Variants in NKAIN2 observed in about 807,000 individuals in gnomAD.
NKAIN2 encodes sodium/potassium transporting ATPase interacting 2.
Under a neutral mutation model 32.6 loss-of-function variants are expected in NKAIN2, and 14 were observed. The observed-to-expected ratio is 0.43, with a 90% CI of 0.28 to 0.67. The LOEUF (loss-of-function observed/expected upper bound fraction) is 0.67, where lower values mean the gene tolerates loss of function less well. Ranked by LOEUF, NKAIN2 falls within the 30% of genes least tolerant of loss-of-function variation. NKAIN2 has a pLI of 0.17. For missense variants in NKAIN2, 198 were observed against 258.3 expected (o/e 0.77, Z 1.60); for synonymous variants, 80 against 87.2 (o/e 0.92, Z 0.46).
chr6:124,816,075 T>C (rs1259596325), intron 5 of NKAIN2, among the ~76,000 whole-genome samples: 2 of 152,164 alleles, frequency 1.3e-5, no homozygotes, highest in East Asian at 3.9e-4. Context: ...GAAGAGACAT[T>C]CTGCCTTGGT....
At chr6:123,910,206 G>A (rs938225618) in intron 1 of NKAIN2, among the ~76,000 whole-genome samples, 7 of 152,048 alleles carry the variant, frequency 4.6e-5, no homozygotes, top group East Asian at 3.9e-4. Flanking sequence ...ATATGTCTCC[G>A]GCTTGTTGTA....
intron 1 of NKAIN2, among the ~76,000 whole-genome samples, chr6:124,074,287 A>G (rs1783592896): frequency 6.6e-6 from 1 of 152,248 alleles, no homozygotes; most frequent in East Asian, 1.9e-4. Flanking sequence ...TCAAACTCTC[A>G]GGAGGAGAGC....
chr6:123,894,040 G>C (rs183656051), intron 1 of NKAIN2, among the ~76,000 whole-genome samples: 2 of 152,342 alleles, frequency 1.3e-5, no homozygotes, highest in Admixed American at 1.3e-4. Context: ...GGTACTACAA[G>C]TATATGTCCT....
At chr6:124,345,303 T>C (rs1798353058) in intron 2 of NKAIN2, among the ~76,000 whole-genome samples, 1 of 152,168 alleles carries the variant, frequency 6.6e-6, no homozygotes, top group Non-Finnish European at 1.5e-5. Context: ...TCTTTTTTGG[T>C]TGTGTCTCTG....
intron 3 of NKAIN2, among the ~76,000 whole-genome samples, chr6:124,594,175 G>C (rs1310463087): frequency 6.6e-6 from 1 of 152,230 alleles, no homozygotes; most frequent in East Asian, 1.9e-4. Flanking sequence ...CAATACTTTA[G>C]CTTGCAGCTA....
At chr6:124,758,204 T>TCC (rs1032479479) in intron 4 of NKAIN2, among the ~76,000 whole-genome samples, 2 of 152,056 alleles carry the variant, frequency 1.3e-5, no homozygotes, top group African/African-American at 4.8e-5. Flanking sequence ...CACACTTGCC[T>TCC]CCCCCTTGAC....
At chr6:124,726,598 A>G (rs1776328852) in intron 4 of NKAIN2, among the ~76,000 whole-genome samples, 1 of 149,938 alleles carries the variant, frequency 6.7e-6, no homozygotes, top group African/African-American at 2.5e-5. Context: ...AAAACCACAA[A>G]GATGGGGAAA....
intron 1 of NKAIN2, among the ~76,000 whole-genome samples, chr6:123,993,143 C>T (rs1266356604): frequency 6.6e-6 from 1 of 152,106 alleles, no homozygotes; most frequent in Non-Finnish European, 1.5e-5. Flanking sequence ...ATAGTTGTAC[C>T]ATGTTATTGT....
intron 4 of NKAIN2, among the ~76,000 whole-genome samples, chr6:124,698,374 G>A (rs1774605651): frequency 6.6e-6 from 1 of 152,140 alleles, no homozygotes; most frequent in African/African-American, 2.4e-5. Flanking sequence ...CAGCTCCAGG[G>A]AAAATATGAA....
rs74774498 is a variant in NKAIN2, at chr6:124,100,104, T to A, written c.55-182901T>A. ...CATGTTAAAATTGAACACAGTTTAT[T>A]CTTTACTGCAGAAATTTCTTCCTCA... On this transcript the variant is annotated intron_variant, in intron 1 of 6. Transcript: ENST00000368417. 3.6e-3 allele frequency among the ~76,000 whole-genome samples: 550 copies of A among 152,336 alleles called. 4 individuals carry two copies. The highest frequency in any genetic ancestry group is 0.014 in the South Asian group (66 of 4,820).
At chr6:123,916,107 G>T (rs1775480241) in intron 1 of NKAIN2, among the ~76,000 whole-genome samples, 1 of 152,094 alleles carries the variant, frequency 6.6e-6, no homozygotes, top group Admixed American at 6.5e-5. Flanking sequence ...ACAGAGATTT[G>T]AAAAGATAAG....
chr6:124,232,922 T>C (rs1444923140), intron 1 of NKAIN2, among the ~76,000 whole-genome samples: 2 of 152,156 alleles, frequency 1.3e-5, no homozygotes, highest in African/African-American at 4.8e-5. Flanking sequence ...ACTTATGTTA[T>C]TCGGTAAAAA....
intron 3 of NKAIN2, among the ~76,000 whole-genome samples, chr6:124,560,734 C>A (rs1257064416): frequency 6.6e-6 from 1 of 152,150 alleles, no homozygotes; most frequent in Non-Finnish European, 1.5e-5. Flanking sequence ...AAAAAATTCA[C>A]CTTCTTAGCG....
chr6:124,752,291 T>C (rs1314290833), intron 4 of NKAIN2, among the ~76,000 whole-genome samples: 1 of 151,998 alleles, frequency 6.6e-6, no homozygotes, highest in Non-Finnish European at 1.5e-5. Context: ...TCATAATATT[T>C]TAGATATGTT....
chr6:123,975,081 A>G (rs1201129360), intron 1 of NKAIN2, among the ~76,000 whole-genome samples: 1 of 152,194 alleles, frequency 6.6e-6, no homozygotes, highest in Non-Finnish European at 1.5e-5. Context: ...GGAGAAAATA[A>G]AGTTATTAAC....
intron 1 of NKAIN2, among the ~76,000 whole-genome samples, chr6:123,810,237 C>G (rs1410120223): frequency 1.3e-5 from 2 of 152,192 alleles, no homozygotes; most frequent in East Asian, 1.9e-4. Context: ...CCGGGTCTGT[C>G]TGAATCTCAG....
At chr6:123,931,046 T>A (rs1776231768) in intron 1 of NKAIN2, among the ~76,000 whole-genome samples, 2 of 152,108 alleles carry the variant, frequency 1.3e-5, no homozygotes, top group Admixed American at 1.3e-4. Flanking sequence ...GCAGTGCAAA[T>A]ACATGGAGTC....
intron 1 of NKAIN2, among the ~76,000 whole-genome samples, chr6:124,203,992 G>A (rs1037076558): frequency 6.6e-6 from 1 of 151,822 alleles, no homozygotes; most frequent in Non-Finnish European, 1.5e-5. Context: ...TTCAACAGGA[G>A]ATCAATGCTG....
chr6:124,076,297 G>A (rs1224492407), intron 1 of NKAIN2, among the ~76,000 whole-genome samples: 1 of 152,166 alleles, frequency 6.6e-6, no homozygotes, highest in Non-Finnish European at 1.5e-5. Flanking sequence ...TCCACTGTCT[G>A]AGCTGGAAAT....
Sources: allele counts gnomAD v4.1 joint callset (sites outside exome capture counted in the v4.1 genomes callset), GRCh38; gene constraint gnomAD v4.1.1; transcripts MANE v1.5; gene names NCBI Gene and HGNC (gene_info 2026-07-23, HGNC 2026-07-21).